Variants in SERPINA6 observed in about 807,000 individuals in gnomAD.
SERPINA6 encodes the protein corticosteroid-binding globulin.
Under a neutral mutation model 26.4 loss-of-function variants are expected in SERPINA6, and 19 were observed. That is an observed-to-expected ratio of 0.72 (90% confidence interval 0.50 to 1.06). SERPINA6 has a LOEUF of 1.06. Among genes scored for constraint, SERPINA6 ranks in the 50% least tolerant of loss-of-function variants. The pLI is 0.00. For synonymous variants in SERPINA6, 196 were observed against 199.4 expected (o/e 0.98, Z 0.14); for missense variants, 473 against 504.0 (o/e 0.94, Z 0.59).
At position 94,310,150 on chromosome 14, in the gene SERPINA6, A is replaced by T. The variant is rs1895507781; in HGVS notation, c.614-144T>A. ...CAAGCCTCAAGGGTTTTTAGGTAAG[A>T]TATAAAAATTCCCAGAAATTTAAAT... On this transcript the variant is annotated intron_variant, in intron 2 of 4. Coordinates refer to ENST00000341584, the MANE Select transcript of SERPINA6 (RefSeq NM_001756.4). 19 of 821,458 alleles carry T rather than the reference A, an allele frequency of 2.3e-5. 1 individual carries two copies. The South Asian group carries it at 2.5e-4, about 11-fold the overall frequency. The allele number at this position is 821,458 out of a possible 1,614,324, so 50.9% of individuals were successfully genotyped here. A position where few individuals can be genotyped will look rare whatever the true frequency, so the allele number is the denominator to read the frequency against.
intron 2 of SERPINA6, among the ~76,000 whole-genome samples, chr14:94,312,476 A>G (rs1173776712): frequency 6.6e-6 from 1 of 152,238 alleles, no homozygotes; most frequent in Non-Finnish European, 1.5e-5. Context: ...AGGGCACTGG[A>G]ATCTCCCAAA....
At chr14:94,305,510 G>A (rs756462980) in intron 4 of SERPINA6, among the ~76,000 whole-genome samples, 4 of 152,086 alleles carry the variant, frequency 2.6e-5, no homozygotes, top group Admixed American at 6.5e-5. Context: ...CACATATTAC[G>A]TGCCAGGTAC....
At chr14:94,308,071 G>A (rs1187110984) in intron 3 of SERPINA6, among the ~76,000 whole-genome samples, 2 of 152,206 alleles carry the variant, frequency 1.3e-5, no homozygotes, top group Admixed American at 6.5e-5. Flanking sequence ...CTGCATTGTT[G>A]GCACTCTGGG....
Position 94,312,686 on chromosome 14 carries a change from A to G in SERPINA6, c.613+1350T>C, listed in dbSNP as rs1279811522. 3.9e-5 allele frequency among the ~76,000 whole-genome samples: 6 copies of G among 152,212 alleles called. No homozygotes were observed. In the South Asian group the frequency reaches 8.3e-4, roughly 21 times the overall value. On this transcript the variant is annotated intron_variant, in intron 2 of 4. Coordinates refer to ENST00000341584, the MANE Select transcript of SERPINA6 (RefSeq NM_001756.4). ...TGCGAAGAGGGCGGCCTCTCCTGGG[A>G]GTTCCCAGCCTTGTGCTGGAGAGCA...
At chr14:94,312,766 C>G (rs903410737) in intron 2 of SERPINA6, among the ~76,000 whole-genome samples, 9 of 151,996 alleles carry the variant, frequency 5.9e-5, no homozygotes, top group Non-Finnish European at 1.5e-5. Context: ...CTAAGGCAGT[C>G]CAGGCAGTAA....
intron 2 of SERPINA6, among the ~76,000 whole-genome samples, chr14:94,311,374 T>G (rs1033359595): frequency 2.6e-5 from 4 of 152,334 alleles, no homozygotes; most frequent in African/African-American, 9.6e-5. Flanking sequence ...TTGTTAGGTT[T>G]TTTTCGTCCT....
Position 94,310,004 on chromosome 14 carries a change from T to A in SERPINA6, c.616A>T (p.Thr206Ser). The A allele has an allele frequency of 6.2e-7, 1 of 1,614,112 alleles. No homozygotes were observed. The highest frequency in any genetic ancestry group is 8.5e-7 in the Non-Finnish European group (1 of 1,180,020). Residue 206 changes from threonine to serine, a missense_variant and splice_region_variant, in exon 3 of 5, where the codon ACA (threonine) becomes TCA (serine). Coordinates refer to ENST00000341584, the MANE Select transcript of SERPINA6 (RefSeq NM_001756.4). The part of the protein sequence containing the change: ...VLVNYIFFKG[T>S]WTQPFDLAST... ...GCCAGGTCAAAGGGCTGTGTCCATG[T>A]GCCTAGGAAGAGGAGGAGACAGGTC... is the stretch of plus-strand genomic sequence containing the variant.
At chr14:94,322,713 C>G (rs1895700548) in intron 1 of SERPINA6, among the ~76,000 whole-genome samples, 1 of 152,184 alleles carries the variant, frequency 6.6e-6, no homozygotes, top group Admixed American at 6.5e-5. Context: ...TGTAGTGAAA[C>G]CTCATGACAT....
Position 94,314,666 on chromosome 14 carries a change from C to T in SERPINA6, c.-18G>A, listed in dbSNP as rs1895588293. On this transcript the variant is annotated splice_region_variant and 5_prime_UTR_variant, in exon 2 of 5. It introduces an in-frame stop codon into an upstream open reading frame of the 5' UTR. Coordinates refer to ENST00000341584, the MANE Select transcript of SERPINA6 (RefSeq NM_001756.4). Reference sequence around the variant, plus strand: ...AGTGGCATTGTCCAGTATAGCCAGGCCCTGCCAAATCAGAAAAGCTTGTTA... The same window carrying T: ...AGTGGCATTGTCCAGTATAGCCAGGTCCTGCCAAATCAGAAAAGCTTGTTA... The T allele has an allele frequency of 6.2e-7, 1 of 1,610,668 alleles. No homozygotes were observed. The highest frequency in any genetic ancestry group is 1.1e-5 in the South Asian group (1 of 91,072).
At chr14:94,310,291 G>A (rs1895510100) in intron 2 of SERPINA6, among the ~76,000 whole-genome samples, 1 of 152,184 alleles carries the variant, frequency 6.6e-6, no homozygotes, top group African/African-American at 2.4e-5. Flanking sequence ...GGATTTGGGG[G>A]TAGGTCAGAC....
intron 2 of SERPINA6, 142 bp downstream of exon 2, chr14:94,313,894 G>A (rs774868218): frequency 2.2e-6 from 2 of 904,034 alleles, no homozygotes; most frequent in Non-Finnish European, 3.7e-6. Context: ...TACCCAGCAG[G>A]ATTGTGGTGA....
intron 1 of SERPINA6, among the ~76,000 whole-genome samples, chr14:94,317,732 T>C (rs1283354595): frequency 6.6e-6 from 1 of 152,210 alleles, no homozygotes; most frequent in Non-Finnish European, 1.5e-5. Context: ...GACTACGTAT[T>C]TATAAAACCT....
intron 3 of SERPINA6, among the ~76,000 whole-genome samples, 199 bp from the exon 4 acceptor site, chr14:94,306,417 G>A (rs1895441081): frequency 6.6e-6 from 1 of 152,226 alleles, no homozygotes; most frequent in South Asian, 2.1e-4. Context: ...CATGACACAG[G>A]CAGCTTTCCC....
chr14:94,308,833 A>G (rs894466108), intron 3 of SERPINA6, among the ~76,000 whole-genome samples: 2 of 152,142 alleles, frequency 1.3e-5, no homozygotes, highest in East Asian at 1.9e-4. Context: ...TCATGCATCC[A>G]TTTACTTATT....
intron 2 of SERPINA6, 56 bp from the exon 3 acceptor site, chr14:94,310,062 G>T: frequency 1.9e-6 from 3 of 1,578,730 alleles, no homozygotes; most frequent in Non-Finnish European, 2.6e-6. Context: ...AGTTCCAGGT[G>T]ATCTCACGGG....
intron 2 of SERPINA6, among the ~76,000 whole-genome samples, chr14:94,313,271 C>T (rs1895557791): frequency 6.6e-6 from 1 of 152,176 alleles, no homozygotes; most frequent in South Asian, 2.1e-4. Context: ...ATTCTAATCC[C>T]CAGAACTTGA....
Position 94,314,616 on chromosome 14 carries a change from C to T in SERPINA6, c.33G>A (p.Trp11Ter), listed in dbSNP as rs771517988. ...CGGTCCAGAGGCCGCTGGTGGGCAG[C>T]CAGAGAAGACAGGTGTACAGGAGGA... The part of the protein sequence containing the change: MPLLLYTCLL[W>*]LPTSGLWTVQ... Residue 11 changes from tryptophan to a stop codon, truncating the protein, a stop_gained, in exon 2 of 5, where the codon TGG becomes TGA. Coordinates refer to ENST00000341584, the MANE Select transcript of SERPINA6 (RefSeq NM_001756.4). LOFTEE classifies it high-confidence loss of function. 1.2e-6 allele frequency: 2 copies of T among 1,614,036 alleles called. No homozygotes were observed. The highest frequency in any genetic ancestry group is 4.5e-5 in the East Asian group (2 of 44,878).
rs765216098 is a variant in SERPINA6 at position 94,304,525 on chromosome 14, T to A, written c.1111A>T (p.Thr371Ser). 8 of 1,614,014 alleles carry A rather than the reference T, an allele frequency of 5.0e-6. No homozygotes were observed. In the African/African-American group the frequency reaches 6.7e-5, roughly 13 times the overall value. Residue 371 changes from threonine (T) to serine (S), a missense_variant, in exon 5 of 5, where the codon ACG becomes TCG. Transcript: ENST00000341584. ...AAACGCAAGATGATAGGCTTGGACG[T>A]CAGGTTTAGGGTGACCCCAGTGGAG... ...AGSTGVTLNL[T>S]SKPIILRFNQ...
chr14:94,315,160 C>T (rs900449047), intron 1 of SERPINA6, among the ~76,000 whole-genome samples: 2 of 151,960 alleles, frequency 1.3e-5, no homozygotes, highest in African/African-American at 4.8e-5. Context: ...TGAAAGGACA[C>T]TGGACAGTAA....
Sources: gnomAD v4.1 joint callset for allele counts (sites outside exome capture counted in the v4.1 genomes callset) on GRCh38, gnomAD v4.1.1 for gene constraint, MANE v1.5 for transcripts, NCBI Gene and HGNC (gene_info 2026-07-23, HGNC 2026-07-21) for gene names.